KCNIP4: variants seen among roughly 807,000 people sequenced by gnomAD.
KCNIP4 encodes potassium voltage-gated channel interacting protein 4.
Under a neutral mutation model 34.0 loss-of-function variants are expected in KCNIP4, and 12 were observed. That is an observed-to-expected ratio of 0.35 (90% CI 0.23 to 0.57). The LOEUF (loss-of-function observed/expected upper bound fraction) is 0.57, where lower values mean the gene tolerates loss of function less well. Ranked by LOEUF, KCNIP4 falls within the 20% of genes least tolerant of loss-of-function variation. KCNIP4 has a pLI of 0.83. For synonymous variants in KCNIP4, 124 were observed against 102.2 expected, an observed-to-expected ratio of 1.21 and a Z score of -1.29; for missense variants, 238 against 311.7, an observed-to-expected ratio of 0.76 and a Z score of 1.78.
chr4:21,688,115 G>C (rs893748783), intron 1 of KCNIP4, among the ~76,000 whole-genome samples: 1 of 152,094 alleles, frequency 6.6e-6, no homozygotes, highest in East Asian at 1.9e-4. Context: ...ATACCATAAA[G>C]AAATAATCTA....
chr4:21,282,075 T>C (rs1408673555), intron 1 of KCNIP4, among the ~76,000 whole-genome samples: 2 of 152,210 alleles, frequency 1.3e-5, no homozygotes, highest in African/African-American at 4.8e-5. Context: ...ATTCTAAAAA[T>C]GTGTTTTGAA....
chr4:21,481,539 G>A (rs1052300192), intron 1 of KCNIP4, among the ~76,000 whole-genome samples: 2 of 152,186 alleles, frequency 1.3e-5, no homozygotes, highest in African/African-American at 4.8e-5. Flanking sequence ...TCTAACAGAT[G>A]TTTGGTGCAG....
chr4:20,747,325 A>G (rs1196462779), intron 5 of KCNIP4, among the ~76,000 whole-genome samples: 1 of 152,226 alleles, frequency 6.6e-6, no homozygotes, highest in Admixed American at 6.5e-5. Context: ...TCTGGAAGCC[A>G]GCTATAAAAG....
chr4:21,132,002 G>C (rs999854149), intron 1 of KCNIP4, among the ~76,000 whole-genome samples: 1 of 152,202 alleles, frequency 6.6e-6, no homozygotes, highest in Non-Finnish European at 1.5e-5. Flanking sequence ...AGGTACCGTG[G>C]TAATGAGGAG....
chr4:21,647,067 C>G (rs1167755988), intron 1 of KCNIP4, among the ~76,000 whole-genome samples: 4 of 151,882 alleles, frequency 2.6e-5, no homozygotes, highest in African/African-American at 9.7e-5. Flanking sequence ...CTCCAGAATC[C>G]TAAAGTATTC....
intron 1 of KCNIP4, among the ~76,000 whole-genome samples, chr4:21,168,631 C>A (rs919739005): frequency 1.3e-5 from 2 of 152,136 alleles, no homozygotes; most frequent in Admixed American, 1.3e-4. Flanking sequence ...AAGAACTCAA[C>A]AACCAAAGAA....
intron 1 of KCNIP4, among the ~76,000 whole-genome samples, chr4:21,257,047 A>G (rs2109093351): frequency 6.6e-6 from 1 of 152,336 alleles, no homozygotes; most frequent in East Asian, 1.9e-4. Flanking sequence ...GACACACAGT[A>G]GGTGCTAAAT....
chr4:21,359,572 C>T (rs549956279), intron 1 of KCNIP4, among the ~76,000 whole-genome samples: 34 of 152,168 alleles, frequency 2.2e-4, no homozygotes, highest in Non-Finnish European at 4.6e-4. Context: ...TACCCTGGTT[C>T]TCTTTTTGGA....
At chr4:21,148,304 G>A (rs1017008144) in intron 1 of KCNIP4, among the ~76,000 whole-genome samples, 2 of 152,114 alleles carry the variant, frequency 1.3e-5, no homozygotes, top group African/African-American at 4.8e-5. Flanking sequence ...AAAAAACAGA[G>A]GATGCTGGAG....
chr4:21,076,933 G>C (rs541561057), intron 1 of KCNIP4, among the ~76,000 whole-genome samples: 1 of 152,176 alleles, frequency 6.6e-6, no homozygotes, highest in East Asian at 1.9e-4. Context: ...GTCCAGTCTG[G>C]CAAACATGGT....
chr4:21,921,929 T>A (rs1280498425), intron 1 of KCNIP4, among the ~76,000 whole-genome samples: 1 of 152,160 alleles, frequency 6.6e-6, no homozygotes, highest in Non-Finnish European at 1.5e-5. Context: ...CCTAACACAG[T>A]TAGATTCAAA....
chr4:21,807,817 C>T (rs6448093), intron 1 of KCNIP4, among the ~76,000 whole-genome samples: 55,014 of 151,986 alleles, frequency 0.36, 11,382 homozygotes, highest in East Asian at 0.65. Flanking sequence ...TTTAGATCCT[C>T]ATGCATCATC....
intron 1 of KCNIP4, among the ~76,000 whole-genome samples, chr4:21,197,751 C>T (rs937321090): frequency 6.6e-6 from 1 of 152,034 alleles, no homozygotes; most frequent in African/African-American, 2.4e-5. Flanking sequence ...CTGTGACTAT[C>T]CTACCGTTAG....
intron 1 of KCNIP4, among the ~76,000 whole-genome samples, chr4:21,191,022 G>T (rs1388784127): frequency 6.6e-6 from 1 of 152,164 alleles, no homozygotes; most frequent in Non-Finnish European, 1.5e-5. Context: ...GAAAATAATA[G>T]CATTACACTG....
At chr4:20,856,441 C>T (rs1178493512) in intron 2 of KCNIP4, among the ~76,000 whole-genome samples, 2 of 152,176 alleles carry the variant, frequency 1.3e-5, no homozygotes, top group Admixed American at 6.6e-5. Flanking sequence ...CCCTGGTCAT[C>T]GTTCCCACAC....
intron 1 of KCNIP4, among the ~76,000 whole-genome samples, chr4:21,751,922 T>C (rs13115987): frequency 0.092 from 13,983 of 152,170 alleles, 678 homozygotes; most frequent in Middle Eastern, 0.18. Context: ...AATAAAAAGG[T>C]AGCAAAACTA....
At chr4:21,176,955 C>T (rs1412854193) in intron 1 of KCNIP4, among the ~76,000 whole-genome samples, 1 of 152,210 alleles carries the variant, frequency 6.6e-6, no homozygotes, top group Non-Finnish European at 1.5e-5. Flanking sequence ...TGCTGATAAG[C>T]AGATATTCAG....
chr4:21,253,416 G>A (rs999949391), intron 1 of KCNIP4, among the ~76,000 whole-genome samples: 1 of 152,132 alleles, frequency 6.6e-6, no homozygotes, highest in African/African-American at 2.4e-5. Flanking sequence ...ATGTGTTATG[G>A]CCATATTTGA....
intron 1 of KCNIP4, among the ~76,000 whole-genome samples, chr4:21,938,769 C>T (rs914771978): frequency 3.9e-5 from 6 of 152,058 alleles, no homozygotes; most frequent in Admixed American, 2.0e-4. Flanking sequence ...AACTAACATA[C>T]GCTGTGTAAT....
Sources: allele counts gnomAD v4.1 joint callset (sites outside exome capture counted in the v4.1 genomes callset), GRCh38; gene constraint gnomAD v4.1.1; transcripts MANE v1.5; gene names NCBI Gene and HGNC (gene_info 2026-07-23, HGNC 2026-07-21).